The following ACTR3B variants were observed in gnomAD, a reference collection of about 807,000 sequenced individuals.
ACTR3B encodes the protein actin-related protein 3B.
ACTR3B carries 8 observed loss-of-function variants against 59.0 expected under a neutral mutation model. That is an observed-to-expected ratio of 0.14 (90% confidence interval 0.08 to 0.24). The LOEUF (loss-of-function observed/expected upper bound fraction) is 0.24. Ranked by LOEUF, ACTR3B falls within the 10% of genes least tolerant of loss-of-function variation. The pLI, the probability that ACTR3B is intolerant of heterozygous loss-of-function variation, is 1.00. For missense variants in ACTR3B, 245 were observed against 552.3 expected, an observed-to-expected ratio of 0.44 and a Z score of 5.58; for synonymous variants, 148 against 197.9, an observed-to-expected ratio of 0.75 and a Z score of 2.12.
intron 4 of ACTR3B, chr7:152,810,964 G>T (rs982093360): frequency 2.6e-5 from 4 of 151,094 alleles, no homozygotes; most frequent in African/African-American, 9.7e-5. Flanking sequence ...ATTTAAAAAT[G>T]TATACGGAAT....
chr7:152,802,744 G>C (rs1334544517), intron 4 of ACTR3B, among the ~76,000 whole-genome samples: 6 of 152,036 alleles, frequency 3.9e-5, no homozygotes, highest in African/African-American at 7.3e-5. Flanking sequence ...CAAGTACGTT[G>C]TCAAATGGTC....
At chr7:152,823,689 G>A (rs1442285332) in intron 8 of ACTR3B, among the ~76,000 whole-genome samples, 174 bp downstream of exon 8, 4 of 152,220 alleles carry the variant, frequency 2.6e-5, no homozygotes, top group Non-Finnish European at 1.5e-5. Context: ...TTGCCTCTCC[G>A]TAGAGCTGGT....
chr7:152,793,592 A>G (rs570615509), intron 2 of ACTR3B, among the ~76,000 whole-genome samples: 11 of 139,372 alleles, frequency 7.9e-5, no homozygotes, highest in African/African-American at 3.0e-4. Flanking sequence ...TCAAGAGTCA[A>G]GAGTATTTGA....
At chr7:152,825,916 T>A (rs1231937555) in intron 9 of ACTR3B, among the ~76,000 whole-genome samples, 1 of 152,162 alleles carries the variant, frequency 6.6e-6, no homozygotes, top group African/African-American at 2.4e-5. Flanking sequence ...ATGAGGAAAA[T>A]CTAGTCTATA....
At chr7:152,834,655 T>C (rs993362941) in intron 9 of ACTR3B, among the ~76,000 whole-genome samples, 2 of 152,250 alleles carry the variant, frequency 1.3e-5, no homozygotes, top group African/African-American at 4.8e-5. Context: ...TCTGTTTCGA[T>C]ACCAACTCTT....
chr7:152,855,097 G>A lies in ACTR3B; in HGVS notation c.*544G>A, dbSNP rs1401124181. On this transcript the variant is annotated 3_prime_UTR_variant, in exon 12 of 12. Transcript: ENST00000256001. Reference sequence around the variant, plus strand: ...GTGCTGTAATCCAAAGTTTTTAATTGTGAGGCATGTTCTGATATGTTTATA... The same window carrying A: ...GTGCTGTAATCCAAAGTTTTTAATTATGAGGCATGTTCTGATATGTTTATA... The A allele has an allele frequency of 6.5e-6, 1 of 153,264 alleles. No individual in the cohort carries two copies. Among genetic ancestry groups the A allele is most frequent in the Non-Finnish European group, 1.5e-5 (1 of 68,564 alleles). 9.5% of individuals were successfully genotyped at this position (153,264 alleles called of 1,614,324 possible).
In ACTR3B at chr7:152,833,334, T is replaced by G. The variant is rs1404521033; in HGVS notation, c.951+8212T>G. ...CCGTTGGGTATCATAACAGCCCGTA[T>G]TTTAGACACAGATTTGTTCAGACTT... On this transcript the variant is annotated intron_variant, in intron 9 of 11. Transcript: ENST00000256001. Among the ~76,000 whole-genome samples the G allele has an allele frequency of 2.6e-5, 4 of 152,234 alleles. No individual in the cohort carries two copies. The East Asian group carries it at 5.8e-4, about 22-fold the overall frequency.
chr7:152,850,780 G>A (rs1360953793), intron 9 of ACTR3B, among the ~76,000 whole-genome samples: 1 of 152,060 alleles, frequency 6.6e-6, no homozygotes, highest in East Asian at 1.9e-4. Flanking sequence ...TTTCCGTGCT[G>A]ATTCCCTGTG....
intron 1 of ACTR3B, among the ~76,000 whole-genome samples, chr7:152,763,555 C>T (rs2098097643): frequency 6.6e-6 from 1 of 151,898 alleles, no homozygotes; most frequent in Admixed American, 6.6e-5. Flanking sequence ...TCATGGGTAG[C>T]TGGGATTACA....
chr7:152,785,381 G>A (rs1196979762), intron 2 of ACTR3B, among the ~76,000 whole-genome samples: 1,412 of 12,858 alleles, frequency 0.11, 342 homozygotes, highest in African/African-American at 0.32. Flanking sequence ...TGTTGTGAGG[G>A]GGGGGGGAGG....
intron 4 of ACTR3B, among the ~76,000 whole-genome samples, chr7:152,802,938 C>A (rs535355779): frequency 6.6e-6 from 1 of 152,268 alleles, no homozygotes; most frequent in African/African-American, 2.4e-5. Context: ...TCTTTTTTCC[C>A]TGGCTGTGTC....
Position 152,854,647 on chromosome 7 carries a change from C to A in ACTR3B, c.*94C>A, listed in dbSNP as rs902041574. The A allele has an allele frequency of 3.0e-6, 4 of 1,328,778 alleles. No individual in the cohort carries two copies. In the South Asian group the frequency reaches 4.9e-5, roughly 16 times the overall value. The allele number at this position is 1,328,778 out of a possible 1,614,324, so 82.3% of individuals were successfully genotyped here. A position where few individuals can be genotyped will look rare whatever the true frequency, so the allele number is the denominator to read the frequency against. On this transcript the variant is annotated 3_prime_UTR_variant, in exon 12 of 12. Coordinates refer to ENST00000256001, the MANE Select transcript of ACTR3B (RefSeq NM_020445.6). The surrounding 1 kb of genome is among the most constrained non-coding windows in gnomAD (Gnocchi z 4.9). ...GCCGCCGTTCTGTAAATAGCGACGT[C>A]GGTGTTGCTGCCCAGCAGCGTGCTT...
intron 9 of ACTR3B, among the ~76,000 whole-genome samples, chr7:152,830,568 AGACAGAGCCTTGCTCTG>A (rs916340132): frequency 6.6e-6 from 1 of 151,996 alleles, no homozygotes; most frequent in African/African-American, 2.4e-5. Context: ...TACTATTGAG[AGACAGAGCCTTGCTCTG>A]TCGCCCACGC....
At chr7:152,830,043 T>C (rs916145461) in intron 9 of ACTR3B, among the ~76,000 whole-genome samples, 2 of 152,194 alleles carry the variant, frequency 1.3e-5, no homozygotes, top group Non-Finnish European at 2.9e-5. Flanking sequence ...ACAAGCTAAA[T>C]GTCATTAAAG....
intron 7 of ACTR3B, among the ~76,000 whole-genome samples, chr7:152,823,019 A>G (rs1054740913): frequency 2.6e-5 from 4 of 152,238 alleles, no homozygotes; most frequent in Non-Finnish European, 5.9e-5. Context: ...GGCATCTGAG[A>G]GGAACAAGGC....
intron 1 of ACTR3B, among the ~76,000 whole-genome samples, chr7:152,760,129 C>T (rs974439231): frequency 1.3e-5 from 2 of 152,172 alleles, no homozygotes; most frequent in Non-Finnish European, 2.9e-5. Flanking sequence ...CGGGAAGGGC[C>T]ACAAGAGGAA....
intron 1 of ACTR3B, among the ~76,000 whole-genome samples, chr7:152,780,279 A>G (rs1278620051): frequency 6.6e-5 from 10 of 150,678 alleles, no homozygotes; most frequent in Non-Finnish European, 1.5e-4. Context: ...TGAAACAGAA[A>G]GGCGGAGGTT....
At chr7:152,787,336 A>G (rs2689464) in intron 2 of ACTR3B, among the ~76,000 whole-genome samples, 18 of 152,070 alleles carry the variant, frequency 1.2e-4, no homozygotes, top group Non-Finnish European at 5.9e-5. Context: ...GCATTTTTAA[A>G]TGGAATTATA....
intron 1 of ACTR3B, among the ~76,000 whole-genome samples, 191 bp from the exon 2 acceptor site, chr7:152,782,996 C>A (rs1454452759): frequency 4.8e-5 from 7 of 145,934 alleles, no homozygotes; most frequent in African/African-American, 1.8e-4. Flanking sequence ...TAAGTTTTTG[C>A]AAAACTGCTT....
Sources: allele counts gnomAD v4.1 joint callset (sites outside exome capture counted in the v4.1 genomes callset), GRCh38; gene constraint gnomAD v4.1.1; non-coding constraint Gnocchi (gnomAD v3.1); transcripts MANE v1.5; gene names NCBI Gene and HGNC (gene_info 2026-07-23, HGNC 2026-07-21).